The following ST6GALNAC1 variants were observed in gnomAD, a reference collection of about 807,000 sequenced individuals.
The protein encoded by ST6GALNAC1 is ST6 N-acetylgalactosaminide alpha-2,6-sialyltransferase 1, also known as alpha-N-acetylgalactosaminide alpha-2,6-sialyltransferase 1.
Under a neutral mutation model 56.8 loss-of-function variants are expected in ST6GALNAC1, and 45 were observed. The ratio of observed to expected loss-of-function variants is 0.79; its 90% CI spans 0.62 to 1.02. The LOEUF is 1.02. Among genes scored for constraint, ST6GALNAC1 ranks in the 50% least tolerant of loss-of-function variants. The probability of loss-of-function intolerance (pLI) is 0.00; values close to 1 mark genes in which losing one functional copy is unlikely to be tolerated. For missense variants in ST6GALNAC1, 743 were observed against 754.8 expected (o/e 0.98, Z 0.18); for synonymous variants, 295 against 297.8 (o/e 0.99, Z 0.10).
chr17:76,629,207 T>C lies in ST6GALNAC1; in HGVS notation c.636A>G (p.Thr212=). Residue 212 remains threonine, a synonymous_variant, in exon 2 of 9, where the codon ACA becomes ACG. Transcript: ENST00000156626. ...TGGTCACTCCTTTCTGTCTCGTCCT[T>C]GTTGACACTGCTCCTGTGGGAGCCA... The part of the protein sequence containing the change: ...RMLAPTGAVS[T]RTRQKGVTTA... The C allele has an allele frequency of 6.2e-7, 1 of 1,614,148 alleles. No homozygotes were observed. Among genetic ancestry groups the C allele is most frequent in the Non-Finnish European group, 8.5e-7 (1 of 1,180,016 alleles).
At chr17:76,642,198 A>ATCTC (rs773999391) in intron 1 of ST6GALNAC1, among the ~76,000 whole-genome samples, 1 of 138,308 alleles carries the variant, frequency 7.2e-6, no homozygotes, top group East Asian at 2.0e-4. Flanking sequence ...CTATCTCTCT[A>ATCTC]TCTCTCTCTC....
downstream of ST6GALNAC1, among the ~76,000 whole-genome samples, chr17:76,621,245 C>T (rs551553561): frequency 3.2e-4 from 42 of 132,704 alleles, 1 homozygote; most frequent in African/African-American, 7.1e-4. Context: ...TGCAGTGGCA[C>T]GATCTGGGCT....
chr17:76,626,337 G>A lies in ST6GALNAC1; in HGVS notation c.1367C>T (p.Ala456Val), dbSNP rs776158788. The change falls in exon 6 of 9, where the codon GCA becomes GTA. Residue 456 changes from alanine (A) to valine (V), a missense_variant. Transcript: ENST00000156626. ...EGTRDYEWLE[A>V]LLMNQTVMSK... ...CATCACCGTCTGATTCATAAGCAGT[G>A]CTTCCAGCCACTCATAGTCCCGGGT... 5.6e-6 allele frequency: 9 copies of A among 1,614,060 alleles called. No homozygotes were observed. The highest frequency in any genetic ancestry group is 7.6e-6 in the Non-Finnish European group (9 of 1,180,052).
chr17:76,626,434 C>T (rs376023166), intron 5 of ST6GALNAC1, 42 bp from the exon 6 acceptor site: 1 of 1,594,024 alleles, frequency 6.3e-7, no homozygotes. Context: ...GTACTGCCTT[C>T]AGGACCACCA....
chr17:76,624,438 C>T (rs34079277), downstream of ST6GALNAC1, among the ~76,000 whole-genome samples: 836 of 151,950 alleles, frequency 5.5e-3, 4 homozygotes, highest in Non-Finnish European at 9.7e-3. Context: ...TTAGTAGAGA[C>T]GGGGTTTCAC....
chr17:76,637,132 G>C (rs569191614), intron 1 of ST6GALNAC1, among the ~76,000 whole-genome samples: 227 of 151,668 alleles, frequency 1.5e-3, no homozygotes, highest in African/African-American at 5.0e-3. Flanking sequence ...CAAACACTGC[G>C]GAAGGCCGCA....
At position 76,643,750 on chromosome 17, in the gene ST6GALNAC1, T is replaced by A; in HGVS notation, c.-112A>T. 1 of 1,104,772 alleles carries A rather than the reference T, an allele frequency of 9.1e-7. No individual in the cohort carries two copies. Among genetic ancestry groups the A allele is most frequent in the Non-Finnish European group, 1.3e-6 (1 of 770,150 alleles). 68.4% of individuals were successfully genotyped at this position (1,104,772 alleles called of 1,614,324 possible). ...GGCCAGGAAGTGCACACCCTTTGTC[T>A]TAACAATGAGCCACTCCGGCAAGTG... On this transcript the variant is annotated 5_prime_UTR_variant, in exon 1 of 9. The change creates a new upstream start codon in the 5' untranslated region. Coordinates refer to ENST00000156626, the MANE Select transcript of ST6GALNAC1 (RefSeq NM_018414.5).
At chr17:76,635,452 C>T (rs928218352) in intron 1 of ST6GALNAC1, among the ~76,000 whole-genome samples, 2 of 151,568 alleles carry the variant, frequency 1.3e-5, no homozygotes, top group Non-Finnish European at 2.9e-5. Flanking sequence ...CCAGCCTGGC[C>T]AACATGGCGA....
the ST6GALNAC1 span, among the ~76,000 whole-genome samples, chr17:76,619,754 T>G: frequency 1.4e-5 from 2 of 148,146 alleles, no homozygotes; most frequent in Non-Finnish European, 3.0e-5. Flanking sequence ...TTTTTTTTTT[T>G]TTTTTTTTTT....
chr17:76,631,833 C>T lies in ST6GALNAC1; in HGVS notation c.132-2122G>A, dbSNP rs143233891. 1.6e-3 allele frequency among the ~76,000 whole-genome samples: 239 copies of T among 152,274 alleles called. 1 individual carries two copies. The highest frequency in any genetic ancestry group is 5.7e-3 in the African/African-American group (235 of 41,556). On this transcript the variant is annotated intron_variant, in intron 1 of 8. Transcript: ENST00000156626. The stretch of plus-strand genomic sequence containing the variant: ...GCCCACTCTGTGCATGGGAGGAGGA[C>T]ACTTTCAAGAGAAAGAGGGGGTTAT...
rs1437607983 is a variant in ST6GALNAC1, at chr17:76,626,060, T to C, written c.1451A>G (p.His484Arg). 4 of 1,614,076 alleles carry C rather than the reference T, an allele frequency of 2.5e-6. No individual in the cohort carries two copies. In the African/African-American group the frequency reaches 4.0e-5, roughly 16 times the overall value. Reference sequence around the variant, plus strand: ...GTGCAGCAACAGGTACCTGTCCATGTGCAGGGCTTCCCGAAAAGCTTCCTG... The same window carrying C: ...GTGCAGCAACAGGTACCTGTCCATGCGCAGGGCTTCCCGAAAAGCTTCCTG... ...RPQEAFREAL[H>R]MDRYLLLHPD... is the part of the protein sequence containing the mutation. The change falls in exon 7 of 9, where the codon CAC (histidine) becomes CGC (arginine). Residue 484 changes from histidine (H) to arginine (R), a missense_variant. Transcript: ENST00000156626.
chr17:76,626,232 G>A, intron 6 of ST6GALNAC1, 57 bp downstream of exon 6: 2 of 1,583,670 alleles, frequency 1.3e-6, no homozygotes, highest in South Asian at 1.1e-5. Context: ...ACCCTTTAGA[G>A]CCACTCATGA....
Position 76,626,161 on chromosome 17 carries a change from G to T in ST6GALNAC1, c.1416-66C>A. 4 of 1,563,030 alleles carry T rather than the reference G, an allele frequency of 2.6e-6. No homozygotes were observed. In the Admixed American group the frequency reaches 6.7e-5, roughly 26 times the overall value. The stretch of plus-strand genomic sequence containing the variant: ...CTGGTCTGGGGTGGGCCAAGTCAGG[G>T]TCATGAGCATGACTGGTATCCCATC... On this transcript the variant is annotated intron_variant, in intron 6 of 8. Coordinates refer to ENST00000156626, the MANE Select transcript of ST6GALNAC1 (RefSeq NM_018414.5).
intron 1 of ST6GALNAC1, among the ~76,000 whole-genome samples, chr17:76,635,678 G>A (rs1011645264): frequency 2.6e-5 from 4 of 152,136 alleles, no homozygotes; most frequent in Non-Finnish European, 5.9e-5. Flanking sequence ...AACTAAATGA[G>A]ACATCTTATG....
chr17:76,618,037 T>C, the ST6GALNAC1 span, among the ~76,000 whole-genome samples: 1 of 152,236 alleles, frequency 6.6e-6, no homozygotes, highest in African/African-American at 2.4e-5. Context: ...CCATTCTCAC[T>C]GATGTGACTT....
Position 76,626,181 on chromosome 17 carries a change from C to T in ST6GALNAC1, c.1416-86G>A. The T allele has an allele frequency of 1.1e-5, 17 of 1,545,130 alleles. No homozygotes were observed. In the South Asian group the frequency reaches 1.6e-4, roughly 14 times the overall value. ...TCAGGGTCATGAGCATGACTGGTAT[C>T]CCATCTCCAGGTGATAGCTAAGGCT... On this transcript the variant is annotated intron_variant, in intron 6 of 8. Coordinates refer to ENST00000156626, the MANE Select transcript of ST6GALNAC1 (RefSeq NM_018414.5).
intron 1 of ST6GALNAC1, among the ~76,000 whole-genome samples, chr17:76,640,078 G>T (rs533901896): frequency 1.3e-5 from 2 of 152,086 alleles, no homozygotes; most frequent in African/African-American, 4.8e-5. Flanking sequence ...GAGAATCCCC[G>T]CAGGAGGGTC....
At chr17:76,621,466 C>A (rs2143396572), downstream of ST6GALNAC1, among the ~76,000 whole-genome samples, 1 of 151,344 alleles carries the variant, frequency 6.6e-6, no homozygotes, top group East Asian at 1.9e-4. Flanking sequence ...CAGGCATAAG[C>A]CACCGCACCC....
At chr17:76,622,148 A>T (rs1313134791), downstream of ST6GALNAC1, among the ~76,000 whole-genome samples, 2 of 149,882 alleles carry the variant, frequency 1.3e-5, no homozygotes, top group Non-Finnish European at 3.0e-5. Context: ...CATGTCTAAG[A>T]ATCATTTTTA....
Sources: allele counts gnomAD v4.1 joint callset (sites outside exome capture counted in the v4.1 genomes callset), GRCh38; gene constraint gnomAD v4.1.1; transcripts MANE v1.5; gene names NCBI Gene and HGNC (gene_info 2026-07-23, HGNC 2026-07-21).